SLC4A5: variants seen among roughly 807,000 people sequenced by gnomAD.
The protein encoded by SLC4A5 is solute carrier family 4 member 5, also known as electrogenic sodium bicarbonate cotransporter 4.
A neutral mutation model predicts 120.4 loss-of-function variants in SLC4A5; 96 were observed. The ratio of observed to expected loss-of-function variants is 0.80; its 90% CI spans 0.68 to 0.94. The LOEUF is 0.94. Ranked by LOEUF, SLC4A5 falls within the 40% of genes least tolerant of loss-of-function variation. SLC4A5 has a pLI of 0.00. For synonymous variants in SLC4A5, 550 were observed against 571.1 expected, an observed-to-expected ratio of 0.96 and a Z score of 0.53; for missense variants, 1,259 against 1,459.5, an observed-to-expected ratio of 0.86 and a Z score of 2.24.
intron 5 of SLC4A5, among the ~76,000 whole-genome samples, chr2:74,316,989 A>G (rs1171745177): frequency 6.6e-6 from 1 of 152,224 alleles, no homozygotes; most frequent in African/African-American, 2.4e-5. Flanking sequence ...CAAGGTGAAC[A>G]TGGGCATGCG....
intron 28 of SLC4A5, among the ~76,000 whole-genome samples, chr2:74,224,433 C>CT (rs1694770835): frequency 6.6e-6 from 1 of 152,182 alleles, no homozygotes; most frequent in African/African-American, 2.4e-5. Context: ...GTCCAGTCTA[C>CT]TTATAAGGCC....
chr2:74,256,574 G>C (rs1186408694), intron 12 of SLC4A5, among the ~76,000 whole-genome samples: 4 of 152,182 alleles, frequency 2.6e-5, no homozygotes. Context: ...TCTCTGGCTA[G>C]TGTCACTTCA....
At chr2:74,266,287 G>GT (rs994289230) in intron 8 of SLC4A5, among the ~76,000 whole-genome samples, 2 of 152,010 alleles carry the variant, frequency 1.3e-5, no homozygotes, top group Admixed American at 6.6e-5. Flanking sequence ...TTTTTTGTTG[G>GT]TTTTTTTGAG....
At chr2:74,233,636 G>T (rs933142615) in intron 22 of SLC4A5, 73 bp from the exon 23 acceptor site, 1 of 1,475,634 alleles carries the variant, frequency 6.8e-7, no homozygotes, top group Non-Finnish European at 9.0e-7. Context: ...CTGGCCTGCT[G>T]TCCCACCTCC....
chr2:74,230,931 C>T (rs1417202020), intron 25 of SLC4A5, among the ~76,000 whole-genome samples: 3 of 152,084 alleles, frequency 2.0e-5, no homozygotes, highest in African/African-American at 7.2e-5. Context: ...CTCAGCCTCC[C>T]GAGTAGCTGT....
chr2:74,321,550 G>C (rs989009702), intron 5 of SLC4A5, among the ~76,000 whole-genome samples: 1 of 152,000 alleles, frequency 6.6e-6, no homozygotes, highest in Admixed American at 6.6e-5. Context: ...TGTTGACAAA[G>C]GTGACCCAGA....
At chr2:74,256,997 C>T (rs568088835) in intron 12 of SLC4A5, among the ~76,000 whole-genome samples, 1 of 152,300 alleles carries the variant, frequency 6.6e-6, no homozygotes, top group South Asian at 2.1e-4. Flanking sequence ...TGCAGTCTTT[C>T]CCGCGGGCAC....
chr2:74,315,800 G>A (rs1174247548), intron 5 of SLC4A5, among the ~76,000 whole-genome samples: 4 of 151,130 alleles, frequency 2.6e-5, no homozygotes, highest in African/African-American at 7.3e-5. Context: ...CTATCTCTAC[G>A]AAAAAGAAAA....
chr2:74,248,804 T>C (rs1281624845), intron 17 of SLC4A5, among the ~76,000 whole-genome samples: 1 of 152,258 alleles, frequency 6.6e-6, no homozygotes, highest in African/African-American at 2.4e-5. Flanking sequence ...ATCCATCTGA[T>C]TATTCATTCA....
intron 7 of SLC4A5, among the ~76,000 whole-genome samples, chr2:74,299,440 T>C (rs1454561710): frequency 6.6e-6 from 1 of 152,228 alleles, no homozygotes; most frequent in Admixed American, 6.5e-5. Context: ...ATGTAAAACA[T>C]GCCTTTGCTC....
At chr2:74,227,701 A>AGGACAATTGG in intron 26 of SLC4A5, 109 bp downstream of exon 26, 1 of 1,206,968 alleles carries the variant, frequency 8.3e-7, no homozygotes, top group Non-Finnish European at 1.2e-6. Context: ...TCATTGAATT[A>AGGACAATTGG]GGACAATTGG....
chr2:74,305,076 C>T (rs934761968), intron 6 of SLC4A5, among the ~76,000 whole-genome samples: 2 of 152,228 alleles, frequency 1.3e-5, no homozygotes, highest in Non-Finnish European at 2.9e-5. Flanking sequence ...TGCATTTCTA[C>T]TGAGAGCCAT....
intron 26 of SLC4A5, 135 bp downstream of exon 26, chr2:74,227,672 CATT>C (rs1694896135): frequency 8.8e-7 from 1 of 1,138,240 alleles, no homozygotes; most frequent in Non-Finnish European, 1.3e-6. Flanking sequence ...GTGGTAGTAT[CATT>C]ATTACTATTA....
At chr2:74,252,070 G>T in intron 16 of SLC4A5, 109 bp downstream of exon 16, 2 of 1,174,708 alleles carry the variant, frequency 1.7e-6, no homozygotes, top group Non-Finnish European at 2.4e-6. Flanking sequence ...AGGCAGGGGT[G>T]ACCTCGAGTG....
At chr2:74,244,831 G>A (rs1040990478) in intron 19 of SLC4A5, among the ~76,000 whole-genome samples, 7 of 152,160 alleles carry the variant, frequency 4.6e-5, no homozygotes, top group Admixed American at 1.3e-4. Flanking sequence ...GTCCAGGGAC[G>A]ACATTTTGAG....
chr2:74,303,392 G>A (rs371677809), intron 7 of SLC4A5, among the ~76,000 whole-genome samples: 14 of 152,122 alleles, frequency 9.2e-5, no homozygotes, highest in Admixed American at 5.9e-4. Flanking sequence ...GGTATAGATG[G>A]TATAATAAAC....
chr2:74,229,991 G>C (rs1695005220), intron 25 of SLC4A5, among the ~76,000 whole-genome samples: 1 of 150,116 alleles, frequency 6.7e-6, no homozygotes, highest in Admixed American at 6.7e-5. Context: ...AAGTGATCAT[G>C]CCTCACATGT....
At chr2:74,278,911 G>C (rs1195743672) in intron 8 of SLC4A5, among the ~76,000 whole-genome samples, 1 of 152,184 alleles carries the variant, frequency 6.6e-6, no homozygotes, top group African/African-American at 2.4e-5. Context: ...ATGTATACCA[G>C]CCATCTGCAG....
At chr2:74,262,500 G>A (rs1298605486) in intron 10 of SLC4A5, among the ~76,000 whole-genome samples, 1 of 151,702 alleles carries the variant, frequency 6.6e-6, no homozygotes, top group African/African-American at 2.4e-5. Context: ...AGGAGTTTGA[G>A]ACCAGCCTGG....
Sources: gnomAD v4.1 joint callset for allele counts (sites outside exome capture counted in the v4.1 genomes callset) on GRCh38, gnomAD v4.1.1 for gene constraint, MANE v1.5 for transcripts, NCBI Gene and HGNC (gene_info 2026-07-23, HGNC 2026-07-21) for gene names.